Variants in NSUN6 observed in about 807,000 individuals in gnomAD.
NSUN6 encodes NOP2/Sun RNA methyltransferase 6.
Under a neutral mutation model 58.0 loss-of-function variants are expected in NSUN6, and 64 were observed. That is an observed-to-expected ratio of 1.10 (90% confidence interval 0.90 to 1.36). The LOEUF (loss-of-function observed/expected upper bound fraction) is 1.36. NSUN6 is among the 40% of genes most tolerant of loss of function. The probability of loss-of-function intolerance (pLI) is 0.00; values close to 1 mark genes in which losing one functional copy is unlikely to be tolerated. For synonymous variants in NSUN6, 231 were observed against 193.9 expected (o/e 1.19, Z -1.59); for missense variants, 701 against 550.1 (o/e 1.27, Z -2.74).
Position 18,651,124 on chromosome 10 carries a change from C to T in NSUN6, c.75+5G>A, listed in dbSNP as rs765502468. On this transcript the variant is annotated splice_donor_5th_base_variant and intron_variant, in intron 1 of 10. Coordinates refer to ENST00000377304, the MANE Select transcript of NSUN6 (RefSeq NM_182543.5). ...AATATCAACTAACATCTTTACTTGA[C>T]CTACCTCCTTATTCATAAAGCCTTC... The T allele has an allele frequency of 2.0e-5, 31 of 1,571,418 alleles. No individual in the cohort carries two copies. The highest frequency in any genetic ancestry group is 2.5e-5 in the Non-Finnish European group (29 of 1,167,932).
rs921853622 is a variant in NSUN6, at chr10:18,651,385, A to G, written c.-182T>C. 7.7e-7 allele frequency: 1 copy of G among 1,306,468 alleles called. No individual in the cohort carries two copies. Among genetic ancestry groups the G allele is most frequent in the African/African-American group, 1.5e-5 (1 of 65,116 alleles). 80.9% of individuals were successfully genotyped at this position (1,306,468 alleles called of 1,614,324 possible). A position where few individuals can be genotyped will look rare whatever the true frequency, so the allele number is the denominator to read the frequency against. ...CACGCTTTCTCAAGCCTAGCCGATTAGAAGGGGCTGCCGGGCTTCCACCAC... is the reference window on the plus strand; with the variant it reads ...CACGCTTTCTCAAGCCTAGCCGATTGGAAGGGGCTGCCGGGCTTCCACCAC... On this transcript the variant is annotated 5_prime_UTR_variant, in exon 1 of 11. An upstream open reading frame in the 5' UTR loses its in-frame stop. Coordinates refer to ENST00000377304, the MANE Select transcript of NSUN6 (RefSeq NM_182543.5).
rs201436999 is a variant in NSUN6 at position 18,593,407 on chromosome 10, CA to C, written c.777+2800del. Among the ~76,000 whole-genome samples, 1,346 of 152,264 alleles carry C rather than the reference CA, an allele frequency of 8.8e-3. 6 individuals are homozygous for C. The highest frequency in any genetic ancestry group is 0.015 in the Non-Finnish European group (1,001 of 68,024). On this transcript the variant is annotated intron_variant, in intron 7 of 10. Coordinates refer to ENST00000377304, the MANE Select transcript of NSUN6 (RefSeq NM_182543.5). Reference sequence around the variant, plus strand: ...ATTCTGCTATAAAAACATATGCACACATATGTTTACTGCAGCACTATTTACA... The same window carrying C: ...ATTCTGCTATAAAAACATATGCACACTATGTTTACTGCAGCACTATTTACA...
chr10:18,587,916 G>T (rs375373146), intron 7 of NSUN6, among the ~76,000 whole-genome samples: 44 of 152,022 alleles, frequency 2.9e-4, no homozygotes, highest in African/African-American at 9.9e-4. Context: ...TGGAACCCCA[G>T]TAAGACAGAA....
chr10:18,576,765 C>T (rs912289120), intron 8 of NSUN6, among the ~76,000 whole-genome samples: 1 of 152,156 alleles, frequency 6.6e-6, no homozygotes, highest in Non-Finnish European at 1.5e-5. Context: ...CCTTGTTCGT[C>T]CCCGAGCAGA....
chr10:18,566,792 C>T (rs1337084653), intron 8 of NSUN6, among the ~76,000 whole-genome samples: 5 of 151,010 alleles, frequency 3.3e-5, no homozygotes, highest in African/African-American at 1.2e-4. Flanking sequence ...ATTACCCATT[C>T]CCTTCAATTC....
At chr10:18,587,908 G>A (rs1285710966) in intron 7 of NSUN6, among the ~76,000 whole-genome samples, 1 of 151,998 alleles carries the variant, frequency 6.6e-6, no homozygotes, top group African/African-American at 2.4e-5. Flanking sequence ...GTGGCACCTG[G>A]AACCCCAGTA....
At chr10:18,596,027 C>T (rs929536103) in intron 7 of NSUN6, among the ~76,000 whole-genome samples, 181 bp downstream of exon 7, 1 of 152,184 alleles carries the variant, frequency 6.6e-6, no homozygotes, top group Non-Finnish European at 1.5e-5. Context: ...GGTCTTGAGA[C>T]AGTCTTCATA....
intron 6 of NSUN6, among the ~76,000 whole-genome samples, chr10:18,598,165 T>C (rs2057668593): frequency 6.6e-6 from 1 of 152,224 alleles, no homozygotes; most frequent in African/African-American, 2.4e-5. Context: ...AGGTTCTTTG[T>C]AATTCTCCCC....
At chr10:18,560,057 AAATGGAAAATGG>A (rs2055369563) in intron 8 of NSUN6, among the ~76,000 whole-genome samples, 1 of 91,788 alleles carries the variant, frequency 1.1e-5, no homozygotes, top group Non-Finnish European at 2.2e-5. Flanking sequence ...GAATGGAATG[AAATGGAAAATGG>A]AATGGAATGG....
chr10:18,627,039 G>C (rs1032254774), intron 3 of NSUN6, among the ~76,000 whole-genome samples: 2 of 152,198 alleles, frequency 1.3e-5, no homozygotes, highest in African/African-American at 2.4e-5. Context: ...TTTACAAAAT[G>C]CTGGTTGAGA....
At chr10:18,576,258 A>G (rs1189297764) in intron 8 of NSUN6, among the ~76,000 whole-genome samples, 6 of 152,084 alleles carry the variant, frequency 3.9e-5, no homozygotes, top group African/African-American at 1.4e-4. Context: ...TTGCCTTCTT[A>G]TACCCTATAA....
intron 3 of NSUN6, among the ~76,000 whole-genome samples, chr10:18,640,340 A>G (rs2059353688): frequency 6.6e-6 from 1 of 152,190 alleles, no homozygotes; most frequent in Non-Finnish European, 1.5e-5. Flanking sequence ...TTACTTTTAT[A>G]CTTATGTACA....
rs115354609 is a variant in NSUN6 at position 18,635,032 on chromosome 10, C to T, written c.311+7444G>A. Among the ~76,000 whole-genome samples, 757 of 152,204 alleles carry T rather than the reference C, an allele frequency of 5.0e-3. 6 individuals carry two copies. The highest frequency in any genetic ancestry group is 0.017 in the African/African-American group (718 of 41,522). On this transcript the variant is annotated intron_variant, in intron 3 of 10. Transcript: ENST00000377304. The stretch of plus-strand genomic sequence containing the variant: ...TCCTAAACTCTGTACAAGGTACAAA[C>T]ATGTTTATTCGGAACACCTGCTTTC...
chr10:18,571,116 A>ACTTTTCATTCCATTCTCCATTCCACTCT (rs2056335779), intron 8 of NSUN6, among the ~76,000 whole-genome samples: 1 of 143,418 alleles, frequency 7.0e-6, no homozygotes, highest in Non-Finnish European at 1.5e-5. Flanking sequence ...ATTCCATTCC[A>ACTTTTCATTCCATTCTCCATTCCACTCT]CTTTTCATTC....
intron 6 of NSUN6, among the ~76,000 whole-genome samples, chr10:18,597,613 T>C (rs1010718330): frequency 6.6e-6 from 1 of 151,932 alleles, no homozygotes; most frequent in African/African-American, 2.4e-5. Flanking sequence ...CTACTAAAAA[T>C]ACATTAGCTG....
intron 3 of NSUN6, among the ~76,000 whole-genome samples, chr10:18,627,552 G>A (rs548293669): frequency 1.8e-4 from 28 of 152,254 alleles, no homozygotes; most frequent in African/African-American, 5.5e-4. Context: ...CAGTGGGTGC[G>A]CGCACCGTGC....
intron 8 of NSUN6, among the ~76,000 whole-genome samples, chr10:18,560,478 A>AGAATG (rs909632479): frequency 4.0e-5 from 6 of 150,308 alleles, no homozygotes; most frequent in Non-Finnish European, 7.4e-5. Context: ...AAAGGAATGG[A>AGAATG]GAATGGAATG....
intron 3 of NSUN6, among the ~76,000 whole-genome samples, chr10:18,631,142 A>G (rs1564827563): frequency 6.6e-6 from 1 of 152,220 alleles, no homozygotes; most frequent in Non-Finnish European, 1.5e-5. Flanking sequence ...AACAGAACCA[A>G]AGACAAAAAC....
chr10:18,619,741 G>C (rs544259678), intron 3 of NSUN6, among the ~76,000 whole-genome samples: 167 of 152,136 alleles, frequency 1.1e-3, no homozygotes, highest in African/African-American at 3.9e-3. Flanking sequence ...TTTTCTCCAG[G>C]TTTGCAATTC....
Sources: gnomAD v4.1 joint callset for allele counts (sites outside exome capture counted in the v4.1 genomes callset) on GRCh38, gnomAD v4.1.1 for gene constraint, MANE v1.5 for transcripts, NCBI Gene and HGNC (gene_info 2026-07-23, HGNC 2026-07-21) for gene names.